DLG1: variants seen among roughly 807,000 people sequenced by gnomAD.
DLG1 encodes discs large MAGUK scaffold protein 1, also known as disks large homolog 1.
A neutral mutation model predicts 123.4 loss-of-function variants in DLG1; 42 were observed. The observed-to-expected ratio is 0.34, with a 90% CI of 0.27 to 0.44. The LOEUF (loss-of-function observed/expected upper bound fraction) is 0.44. Ranked by LOEUF, DLG1 falls within the 20% of genes least tolerant of loss-of-function variation. The probability of loss-of-function intolerance (pLI) is 1.00; values close to 1 mark genes in which losing one functional copy is unlikely to be tolerated. For missense variants in DLG1, 942 were observed against 1,082.6 expected, an observed-to-expected ratio of 0.87 and a Z score of 1.82; for synonymous variants, 317 against 356.2, an observed-to-expected ratio of 0.89 and a Z score of 1.24.
intron 14 of DLG1, among the ~76,000 whole-genome samples, chr3:197,097,383 A>C (rs1022848350): frequency 6.6e-6 from 1 of 152,086 alleles, no homozygotes; most frequent in African/African-American, 2.4e-5. Context: ...ACAGATGCTG[A>C]TATCAGATGG....
intron 14 of DLG1, among the ~76,000 whole-genome samples, chr3:197,098,720 C>T (rs1761964090): frequency 6.6e-6 from 1 of 152,080 alleles, no homozygotes; most frequent in African/African-American, 2.4e-5. Context: ...TTAGTAGAGA[C>T]AGAGTTTCAT....
At chr3:197,168,319 AAC>A (rs1376475106) in intron 5 of DLG1, among the ~76,000 whole-genome samples, 1 of 152,242 alleles carries the variant, frequency 6.6e-6, no homozygotes, top group African/African-American at 2.4e-5. Flanking sequence ...ACGACGCATC[AAC>A]ACACACAATT....
intron 13 of DLG1, among the ~76,000 whole-genome samples, chr3:197,115,497 T>G (rs9853826): frequency 2.0e-5 from 3 of 152,110 alleles, no homozygotes; most frequent in African/African-American, 7.2e-5. Flanking sequence ...TAATACAATT[T>G]CAAAAGACAT....
intron 5 of DLG1, among the ~76,000 whole-genome samples, chr3:197,170,005 T>G (rs573111882): frequency 6.6e-6 from 1 of 152,180 alleles, no homozygotes; most frequent in African/African-American, 2.4e-5. Context: ...AGCGAGAACA[T>G]GCGGTATTTG....
At chr3:197,297,974 GCCTCGTCCTCCTTCTCGGCCGCGCCGCCT>G (rs1432130243) in intron 1 of DLG1, 1 of 971,668 alleles carries the variant, frequency 1.0e-6, no homozygotes, top group East Asian at 1.1e-4. Context: ...CACCCCCGCG[GCCTCGTCCTCCTTCTCGGCCGCGCCGCCT>G]CCTCGCTCGC....
intron 6 of DLG1, among the ~76,000 whole-genome samples, chr3:197,148,253 A>AAAAAAAAAAAAAAT: frequency 7.0e-6 from 1 of 143,326 alleles, no homozygotes; most frequent in East Asian, 2.0e-4. Context: ...TACAAAAAAA[A>AAAAAAAAAAAAAAT]AAAAAAAATA....
At chr3:197,234,187 G>C (rs1008580727) in intron 4 of DLG1, among the ~76,000 whole-genome samples, 1 of 152,154 alleles carries the variant, frequency 6.6e-6, no homozygotes, top group Non-Finnish European at 1.5e-5. Context: ...AAGATTCCCA[G>C]GTATTTAGTC....
chr3:197,087,063 C>A (rs1323381413), intron 15 of DLG1, among the ~76,000 whole-genome samples: 1 of 151,932 alleles, frequency 6.6e-6, no homozygotes, highest in African/African-American at 2.4e-5. Context: ...CATCTGTTCA[C>A]CTACTACCCA....
At chr3:197,108,488 A>G (rs1382456804) in intron 13 of DLG1, among the ~76,000 whole-genome samples, 1 of 152,130 alleles carries the variant, frequency 6.6e-6, no homozygotes, top group Admixed American at 6.5e-5. Flanking sequence ...AAATCTATTA[A>G]AATTCTCTAT....
intron 6 of DLG1, among the ~76,000 whole-genome samples, chr3:197,146,014 A>C (rs1191441339): frequency 6.7e-6 from 1 of 149,344 alleles, no homozygotes; most frequent in Non-Finnish European, 1.5e-5. Flanking sequence ...ATAAATAAAT[A>C]AATAAAATAA....
At chr3:197,162,061 T>A (rs954618080) in intron 5 of DLG1, among the ~76,000 whole-genome samples, 2 of 152,202 alleles carry the variant, frequency 1.3e-5, no homozygotes, top group Non-Finnish European at 2.9e-5. Flanking sequence ...ATAGACAGAC[T>A]GCAAAATATT....
chr3:197,174,978 G>A (rs1410586234), intron 5 of DLG1, among the ~76,000 whole-genome samples: 1 of 152,134 alleles, frequency 6.6e-6, no homozygotes, highest in African/African-American at 2.4e-5. Context: ...TGAAAATACT[G>A]TTCAGAAATG....
intron 11 of DLG1, among the ~76,000 whole-genome samples, chr3:197,127,160 C>T (rs144163399): frequency 0.04 from 6,110 of 151,682 alleles, 175 homozygotes; most frequent in Non-Finnish European, 0.054. Flanking sequence ...CGGTGGCTCA[C>T]GCCTGTAATC....
In DLG1 at chr3:197,058,176, CACCA is replaced by C. The variant is rs1326954518; in HGVS notation, c.2483+1709_2483+1712del. ...TGTATTTTTAGTAGAGACAGAGTCTCACCATGTTGCCCAGGCTGGTCTTGAACTC... is the reference window on the plus strand; with the variant it reads ...TGTATTTTTAGTAGAGACAGAGTCTCTGTTGCCCAGGCTGGTCTTGAACTC... On this transcript the variant is annotated intron_variant, in intron 23 of 24. Transcript: ENST00000667157. 7.9e-5 allele frequency among the ~76,000 whole-genome samples: 12 copies of C among 152,128 alleles called. No individual in the cohort carries two copies. In the East Asian group the frequency reaches 2.3e-3, roughly 29 times the overall value.
Position 197,042,679 on chromosome 3 carries a change from G to T in DLG1, c.*1944C>A, listed in dbSNP as rs1031106550. 1 of 152,178 alleles carries T rather than the reference G, an allele frequency of 6.6e-6. No individual in the cohort carries two copies. The highest frequency in any genetic ancestry group is 1.5e-5 in the Non-Finnish European group (1 of 68,024). The allele number at this position is 152,178 out of a possible 1,614,324, so 9.4% of individuals were successfully genotyped here. A position where few individuals can be genotyped will look rare whatever the true frequency, so the allele number is the denominator to read the frequency against. ...TCAAAATAGCTTATGCTGCGGTCTT[G>T]TAAGGCAGTTTCTGAAGCTCTTGAG... On this transcript the variant is annotated 3_prime_UTR_variant, in exon 25 of 25. Coordinates refer to ENST00000667157, the MANE Select transcript of DLG1 (RefSeq NM_001366207.1).
intron 3 of DLG1, among the ~76,000 whole-genome samples, chr3:197,287,040 A>T (rs927969620): frequency 1.4e-4 from 20 of 148,148 alleles, no homozygotes; most frequent in South Asian, 2.1e-4. Context: ...GCCTGGTTAA[A>T]TTTTTTTTTT....
chr3:197,136,446 A>C (rs920603051), intron 10 of DLG1, 96 bp downstream of exon 10: 3 of 991,036 alleles, frequency 3.0e-6, no homozygotes, highest in Non-Finnish European at 4.4e-6. Context: ...TTTAAACATC[A>C]TTTAGACCTT....
chr3:197,131,722 T>C (rs926479886), intron 10 of DLG1, among the ~76,000 whole-genome samples: 14 of 147,570 alleles, frequency 9.5e-5, no homozygotes, highest in Non-Finnish European at 1.3e-4. Context: ...GCCTCCCAAG[T>C]AGCTGGGACT....
intron 3 of DLG1, among the ~76,000 whole-genome samples, chr3:197,291,494 A>C (rs761300849): frequency 1.8e-4 from 28 of 152,252 alleles, no homozygotes; most frequent in Non-Finnish European, 3.1e-4. Flanking sequence ...CATCATAAAC[A>C]TAATGCACCA....
Sources: gnomAD v4.1 joint callset for allele counts (sites outside exome capture counted in the v4.1 genomes callset) on GRCh38, gnomAD v4.1.1 for gene constraint, MANE v1.5 for transcripts, NCBI Gene and HGNC (gene_info 2026-07-23, HGNC 2026-07-21) for gene names.